Variants in UPF2 observed in about 807,000 individuals in gnomAD.
The protein encoded by UPF2 is regulator of nonsense transcripts 2.
A neutral mutation model predicts 141.4 loss-of-function variants in UPF2; 17 were observed. The observed-to-expected ratio is 0.12, with a 90% CI of 0.08 to 0.18. The LOEUF (loss-of-function observed/expected upper bound fraction) is 0.18. UPF2 is among the 10% of genes least tolerant of loss of function. The pLI is 1.00. For synonymous variants in UPF2, 540 were observed against 498.0 expected (o/e 1.08, Z -1.12); for missense variants, 1,152 against 1,515.9 (o/e 0.76, Z 3.99).
intron 10 of UPF2, among the ~76,000 whole-genome samples, chr10:11,964,626 G>A (rs1833291388): frequency 6.6e-6 from 1 of 152,066 alleles, no homozygotes; most frequent in African/African-American, 2.4e-5. Context: ...TAATCACTTG[G>A]TTCTTCTGGC....
In UPF2 at chr10:11,954,360, C is replaced by G. The variant is rs565437697; in HGVS notation, c.2850+872G>C. On this transcript the variant is annotated intron_variant, in intron 14 of 21. Transcript: ENST00000357604. ...TTTTAAAAAAAAATTAGGCTGGGCACAGTGACTCACGCCTGTTAATCCCAG... is the reference window on the plus strand; with the variant it reads ...TTTTAAAAAAAAATTAGGCTGGGCAGAGTGACTCACGCCTGTTAATCCCAG... Among the ~76,000 whole-genome samples, 3 of 151,808 alleles carry G rather than the reference C, an allele frequency of 2.0e-5. No individual in the cohort carries two copies. In the East Asian group the frequency reaches 5.8e-4, roughly 29 times the overall value.
At chr10:11,989,784 C>T (rs552820339) in intron 8 of UPF2, among the ~76,000 whole-genome samples, 11 of 152,280 alleles carry the variant, frequency 7.2e-5, no homozygotes, top group African/African-American at 1.2e-4. Context: ...TGAGTTCACA[C>T]GCTTGTCTCC....
chr10:12,010,635 G>C (rs1226633887), intron 4 of UPF2, among the ~76,000 whole-genome samples: 1 of 152,090 alleles, frequency 6.6e-6, no homozygotes, highest in Non-Finnish European at 1.5e-5. Flanking sequence ...AGTCCCTATA[G>C]GAGAGGTGAC....
At chr10:11,962,800 T>C (rs949859021) in intron 11 of UPF2, among the ~76,000 whole-genome samples, 13 of 152,314 alleles carry the variant, frequency 8.5e-5, no homozygotes, top group Admixed American at 5.2e-4. Flanking sequence ...TCTCCAGTTT[T>C]ACCTGCAGCT....
Position 11,939,026 on chromosome 10 carries a change from C to T in UPF2, c.3379-2314G>A, listed in dbSNP as rs1446886873. Among the ~76,000 whole-genome samples, 1 of 151,902 alleles carries T rather than the reference C, an allele frequency of 6.6e-6. No individual in the cohort carries two copies. The highest frequency in any genetic ancestry group is 1.5e-5 in the Non-Finnish European group (1 of 67,930). On this transcript the variant is annotated intron_variant, in intron 18 of 21. Coordinates refer to ENST00000357604, the MANE Select transcript of UPF2 (RefSeq NM_015542.4). The surrounding 1 kb of genome is among the most constrained non-coding windows in gnomAD (Gnocchi z 4.8). ...TAGCTGGGACTACAGGCACCCACCA[C>T]CACAACCAGCTAATTTTTTGTATTT...
chr10:12,000,131 T>A, intron 6 of UPF2, 122 bp from the exon 7 acceptor site: 1 of 747,598 alleles, frequency 1.3e-6, no homozygotes, highest in Non-Finnish European at 2.2e-6. Flanking sequence ...AGGAAAACAT[T>A]AGTCATTTTT....
At chr10:12,015,948 C>T (rs1834210949) in intron 3 of UPF2, among the ~76,000 whole-genome samples, 1 of 151,964 alleles carries the variant, frequency 6.6e-6, no homozygotes, top group South Asian at 2.1e-4. Flanking sequence ...CATAATAAGC[C>T]AGGCTAAAAA....
chr10:11,925,178 TGTTTCC>T (rs1832696424), intron 21 of UPF2, among the ~76,000 whole-genome samples: 2 of 152,174 alleles, frequency 1.3e-5, no homozygotes, highest in Non-Finnish European at 2.9e-5. Flanking sequence ...TAAAATCTCA[TGTTTCC>T]ATGTTTGTTC....
chr10:11,958,523 C>T (rs898426863), intron 12 of UPF2, among the ~76,000 whole-genome samples: 1 of 152,178 alleles, frequency 6.6e-6, no homozygotes, highest in African/African-American at 2.4e-5. Flanking sequence ...TTTCAATTTT[C>T]AAACCTGCAA....
chr10:12,029,465 T>C lies in UPF2; in HGVS notation c.425A>G (p.Lys142Arg). Residue 142 changes from lysine (K) to arginine (R), a missense_variant, in exon 3 of 22, where the codon AAG (lysine) becomes AGG (arginine). This residue lies in a region of UPF2 where 739 missense variants were observed against 1,032.2 expected (regional missense o/e 0.72). Coordinates refer to ENST00000357604, the MANE Select transcript of UPF2 (RefSeq NM_015542.4). ...QEAWERHHLR[K>R]ELRSKNQNAP... ...ATTTTGGTTTTTGCTACGAAGTTCC[T>C]TTCTTAAATGATGTCGTTCCCAAGC... 1 of 1,612,016 alleles carries C rather than the reference T, an allele frequency of 6.2e-7. No individual in the cohort carries two copies. The highest frequency in any genetic ancestry group is 8.5e-7 in the Non-Finnish European group (1 of 1,179,634).
intron 4 of UPF2, among the ~76,000 whole-genome samples, chr10:12,010,732 G>C (rs1378770055): frequency 6.6e-6 from 1 of 152,022 alleles, no homozygotes; most frequent in Non-Finnish European, 1.5e-5. Flanking sequence ...GATCTAAGAA[G>C]TTCAAGGAAC....
At chr10:11,945,026 G>A (rs56147610) in intron 16 of UPF2, among the ~76,000 whole-genome samples, 2,440 of 152,258 alleles carry the variant, frequency 0.016, 60 homozygotes, top group African/African-American at 0.055. Context: ...TACAAATACA[G>A]CCCTTAGGGC....
chr10:11,996,193 A>G (rs1413367187), intron 8 of UPF2, among the ~76,000 whole-genome samples: 1 of 152,200 alleles, frequency 6.6e-6, no homozygotes, highest in Non-Finnish European at 1.5e-5. Flanking sequence ...AGTACATTTT[A>G]GAATAATATA....
At chr10:12,040,248 C>T (rs1217851898) in intron 1 of UPF2, among the ~76,000 whole-genome samples, 1 of 151,924 alleles carries the variant, frequency 6.6e-6, no homozygotes, top group East Asian at 1.9e-4. Flanking sequence ...ATGGTGAAAC[C>T]CCATCTCTAC....
At chr10:11,963,825 G>A (rs1166250676) in intron 11 of UPF2, among the ~76,000 whole-genome samples, 184 bp downstream of exon 11, 2 of 152,208 alleles carry the variant, frequency 1.3e-5, no homozygotes, top group Non-Finnish European at 2.9e-5. Flanking sequence ...TGGTAGCCAA[G>A]TGAGAAAAAT....
intron 11 of UPF2, among the ~76,000 whole-genome samples, 196 bp downstream of exon 11, chr10:11,963,813 G>A (rs1015770573): frequency 5.3e-5 from 8 of 152,154 alleles, no homozygotes; most frequent in Admixed American, 2.0e-4. Context: ...CTGTGAACTC[G>A]CTGGTAGCCA....
intron 1 of UPF2, among the ~76,000 whole-genome samples, chr10:12,040,876 A>G (rs1262410215): frequency 6.6e-6 from 1 of 152,222 alleles, no homozygotes; most frequent in Admixed American, 6.5e-5. Flanking sequence ...AACACTGAGA[A>G]GTTCAGCATA....
At chr10:12,000,085 T>G in intron 6 of UPF2, 76 bp from the exon 7 acceptor site, 4 of 1,276,482 alleles carry the variant, frequency 3.1e-6, no homozygotes, top group Non-Finnish European at 4.4e-6. Context: ...GATGAATTAT[T>G]TGGAAAATAG....
intron 4 of UPF2, among the ~76,000 whole-genome samples, chr10:12,006,221 T>C (rs1378069012): frequency 1.3e-5 from 2 of 152,212 alleles, no homozygotes; most frequent in Non-Finnish European, 2.9e-5. Flanking sequence ...AATTGATAAC[T>C]GGAAAAGAAG....
Sources: gnomAD v4.1 joint callset for allele counts (sites outside exome capture counted in the v4.1 genomes callset) on GRCh38, gnomAD v4.1.1 for gene constraint, gnomAD v4.1.1 regional missense constraint, Gnocchi (gnomAD v3.1) non-coding constraint, MANE v1.5 for transcripts, NCBI Gene and HGNC (gene_info 2026-07-23, HGNC 2026-07-21) for gene names.